The following TPRG1 variants were observed in gnomAD, a reference collection of about 807,000 sequenced individuals.
TPRG1 encodes tumor protein p63-regulated gene 1 protein.
In TPRG1, 29 loss-of-function variants were observed where a neutral mutation model predicts 29.3. The ratio of observed to expected loss-of-function variants is 0.99; its 90% CI spans 0.74 to 1.35. TPRG1 has a LOEUF of 1.35. Among genes scored for constraint, TPRG1 ranks in the 40% most tolerant of loss-of-function variants. TPRG1 has a pLI of 0.00. For synonymous variants in TPRG1, 130 were observed against 116.8 expected (o/e 1.11, Z -0.73); for missense variants, 327 against 335.0 (o/e 0.98, Z 0.19).
intron 4 of TPRG1, among the ~76,000 whole-genome samples, chr3:189,266,044 A>G (rs1211717347): frequency 2.6e-5 from 4 of 152,122 alleles, no homozygotes; most frequent in African/African-American, 9.7e-5. Flanking sequence ...CATTTGGTGT[A>G]ATGTTCATGT....
chr3:189,193,524 T>C (rs906841913), intron 1 of TPRG1, among the ~76,000 whole-genome samples: 6 of 152,146 alleles, frequency 3.9e-5, no homozygotes, highest in African/African-American at 1.4e-4. Context: ...CCTTCTCTTT[T>C]CTTTCTGGAA....
At chr3:189,252,879 A>G (rs1742508821) in intron 4 of TPRG1, among the ~76,000 whole-genome samples, 1 of 152,108 alleles carries the variant, frequency 6.6e-6, no homozygotes, top group Non-Finnish European at 1.5e-5. Context: ...TTCAAAACTT[A>G]TTTATTCTCA....
chr3:189,202,001 A>G (rs1345880775), intron 1 of TPRG1, among the ~76,000 whole-genome samples: 1 of 151,936 alleles, frequency 6.6e-6, no homozygotes, highest in Admixed American at 6.6e-5. Context: ...ACCCCCAAAC[A>G]TGCCTTTTCT....
At chr3:189,272,049 A>G (rs1715237070) in intron 4 of TPRG1, among the ~76,000 whole-genome samples, 2 of 152,200 alleles carry the variant, frequency 1.3e-5, no homozygotes, top group Non-Finnish European at 2.9e-5. Flanking sequence ...TAATGAAATC[A>G]TGTGTTTTAT....
chr3:189,063,654 A>ACC (rs201557872), intron 4 of TPRG1, among the ~76,000 whole-genome samples: 11,346 of 152,208 alleles, frequency 0.075, 538 homozygotes, highest in African/African-American at 0.13. Context: ...ATACTTCTAA[A>ACC]TACTTTATTG....
intron 4 of TPRG1, among the ~76,000 whole-genome samples, chr3:189,042,085 A>C (rs1422222787): frequency 6.6e-6 from 1 of 152,076 alleles, no homozygotes; most frequent in Non-Finnish European, 1.5e-5. Context: ...ATGGGAATTG[A>C]CCTATCTTCT....
intron 3 of TPRG1, among the ~76,000 whole-genome samples, chr3:189,007,814 G>T (rs1712373081): frequency 7.2e-6 from 1 of 139,710 alleles, no homozygotes; most frequent in Non-Finnish European, 1.5e-5. Flanking sequence ...ACCAAACACC[G>T]CATATTCTCA....
At chr3:189,004,871 A>T (rs957301167) in intron 3 of TPRG1, 2 of 151,972 alleles carry the variant, frequency 1.3e-5, no homozygotes, top group Non-Finnish European at 2.9e-5. Context: ...TTTATTTTTA[A>T]TTTTTGTGGG....
intron 1 of TPRG1, among the ~76,000 whole-genome samples, chr3:189,124,306 A>G (rs916451855): frequency 1.3e-5 from 2 of 152,144 alleles, no homozygotes; most frequent in Non-Finnish European, 1.5e-5. Flanking sequence ...GAAAAGAAGC[A>G]TATTTAAAGT....
At chr3:189,220,947 T>G (rs533618792) in intron 3 of TPRG1, among the ~76,000 whole-genome samples, 1 of 152,200 alleles carries the variant, frequency 6.6e-6, no homozygotes, top group East Asian at 1.9e-4. Flanking sequence ...AGTTTTTTCC[T>G]TTTATTTTTC....
chr3:189,294,803 T>TACACACAC (rs10544733), intron 4 of TPRG1, among the ~76,000 whole-genome samples: 243 of 150,170 alleles, frequency 1.6e-3, no homozygotes, highest in African/African-American at 5.7e-3. Flanking sequence ...CCCTTACAGT[T>TACACACAC]ACACACACAC....
chr3:189,131,148 G>A (rs563777644), intron 2 of TPRG1, among the ~76,000 whole-genome samples: 7 of 152,164 alleles, frequency 4.6e-5, no homozygotes, highest in Admixed American at 1.3e-4. Context: ...GTTTTAAATC[G>A]GAGCAGCGAT....
Position 189,047,132 on chromosome 3 carries a change from T to C in TPRG1, c.-463+23186T>C, listed in dbSNP as rs187762225. Among the ~76,000 whole-genome samples, 331 of 152,276 alleles carry C rather than the reference T, an allele frequency of 2.2e-3. 1 individual carries two copies. The highest frequency in any genetic ancestry group is 7.8e-3 in the African/African-American group (324 of 41,548). On this transcript the variant is annotated intron_variant, in intron 4 of 10. Transcript: ENST00000433971. ...AAAACTGATGCCAAAGTAAGAGATA[T>C]ATCATATATATTACCAGGAAATATA...
At chr3:189,050,021 A>G (rs2152138909) in intron 4 of TPRG1, among the ~76,000 whole-genome samples, 1 of 152,318 alleles carries the variant, frequency 6.6e-6, no homozygotes, top group East Asian at 1.9e-4. Context: ...CGCCTCAAGG[A>G]ACTAGATCAA....
intron 3 of TPRG1, among the ~76,000 whole-genome samples, chr3:189,013,790 CT>C (rs1304536592): frequency 8.5e-5 from 13 of 152,060 alleles, no homozygotes; most frequent in Middle Eastern, 3.4e-3. Context: ...CCTTCTTTGT[CT>C]TTTTTTGACT....
intron 4 of TPRG1, among the ~76,000 whole-genome samples, chr3:189,026,403 C>T (rs1427949879): frequency 6.6e-6 from 1 of 152,218 alleles, no homozygotes; most frequent in African/African-American, 2.4e-5. Flanking sequence ...AATCCAAATA[C>T]TGTCACATTG....
chr3:189,120,439 A>C (rs1404486259), intron 1 of TPRG1: 1 of 152,230 alleles, frequency 6.6e-6, no homozygotes, highest in Non-Finnish European at 1.5e-5. Flanking sequence ...CATTCTCAGT[A>C]AGTTCCAAGA....
At chr3:189,078,133 CTTTCCTTTCT>C (rs1560430930) in intron 4 of TPRG1, among the ~76,000 whole-genome samples, 2 of 74,326 alleles carry the variant, frequency 2.7e-5, no homozygotes, top group Non-Finnish European at 3.3e-5. Flanking sequence ...TTCTTTCTTT[CTTTCCTTTCT>C]TTTTTTTTTT....
chr3:189,072,095 T>G (rs531612715), intron 4 of TPRG1, among the ~76,000 whole-genome samples: 1 of 152,196 alleles, frequency 6.6e-6, no homozygotes, highest in Admixed American at 6.5e-5. Context: ...AAAAGGAACA[T>G]TTTATGTTCT....
Sources: allele counts gnomAD v4.1 joint callset (sites outside exome capture counted in the v4.1 genomes callset), GRCh38; gene constraint gnomAD v4.1.1; transcripts MANE v1.5; gene names NCBI Gene and HGNC (gene_info 2026-07-23, HGNC 2026-07-21).